COL4A1: variants seen among roughly 807,000 people sequenced by gnomAD.
COL4A1 encodes the protein collagen alpha-1(IV) chain.
COL4A1 carries 40 observed loss-of-function variants against 216.6 expected under a neutral mutation model. The ratio of observed to expected loss-of-function variants is 0.18; its 90% confidence interval spans 0.14 to 0.24. COL4A1 has a LOEUF of 0.24. Among genes scored for constraint, COL4A1 ranks in the 10% least tolerant of loss-of-function variants. The pLI, the probability that COL4A1 is intolerant of heterozygous loss-of-function variation, is 1.00. For missense variants in COL4A1, 1,628 were observed against 2,196.8 expected (o/e 0.74, Z 5.18); for synonymous variants, 839 against 810.7 (o/e 1.03, Z -0.59).
chr13:110,179,560 G>C, intron 29 of COL4A1, 139 bp from the exon 30 acceptor site: 1 of 1,276,868 alleles, frequency 7.8e-7, no homozygotes, highest in South Asian at 1.3e-5. Flanking sequence ...CTTTTCAAGC[G>C]TTTGCAAAGC....
At chr13:110,154,406 C>T (rs1472698094) in intron 50 of COL4A1, among the ~76,000 whole-genome samples, 1 of 152,244 alleles carries the variant, frequency 6.6e-6, no homozygotes, top group East Asian at 1.9e-4. Context: ...TGGGAAGGGT[C>T]CCAGGCGGCA....
intron 26 of COL4A1, among the ~76,000 whole-genome samples, chr13:110,183,748 C>T (rs555298540): frequency 2.6e-5 from 4 of 152,330 alleles, no homozygotes; most frequent in Non-Finnish European, 5.9e-5. Flanking sequence ...TGATTACGAA[C>T]GATCCATTAT....
At chr13:110,198,753 T>C (rs1879025011) in intron 20 of COL4A1, 122 bp from the exon 21 acceptor site, 1 of 1,312,284 alleles carries the variant, frequency 7.6e-7, no homozygotes, top group African/African-American at 1.4e-5. Context: ...AAAAGGGAAC[T>C]GCTTTAGACA....
chr13:110,256,364 A>G (rs1315893234), intron 1 of COL4A1, among the ~76,000 whole-genome samples: 1 of 152,190 alleles, frequency 6.6e-6, no homozygotes, highest in East Asian at 1.9e-4. Flanking sequence ...TTGGACGAGG[A>G]TGATACTCGG....
chr13:110,176,499 G>A lies in COL4A1; in HGVS notation c.2983C>T (p.Pro995Ser). Residue 995 changes from proline to serine, a missense_variant, in exon 36 of 52, where the codon CCA becomes TCA. Physicochemically the swap from Pro to Ser is moderately conservative, Grantham distance 74. Transcript: ENST00000375820. ...GCACCTGGGGTTCCACTTATACCTG[G>A]ATCACCTTTAGGTCCTAGAACCATA... The part of the protein sequence containing the change: ...QPGQPGPKGD[P>S]GISGTPGAPG... 6.2e-7 allele frequency: 1 copy of A among 1,613,316 alleles called. No homozygotes were observed. The highest frequency in any genetic ancestry group is 8.5e-7 in the Non-Finnish European group (1 of 1,179,260).
At position 110,149,902 on chromosome 13, in the gene COL4A1, C is replaced by A. The variant is rs1481318932; in HGVS notation, c.*461G>T. The A allele has an allele frequency of 1.6e-5, 3 of 186,892 alleles. No individual in the cohort carries two copies. The highest frequency in any genetic ancestry group is 5.4e-5 in the Admixed American group (1 of 18,602). 11.6% of individuals were successfully genotyped at this position (186,892 alleles called of 1,614,324 possible). On this transcript the variant is annotated 3_prime_UTR_variant, in exon 52 of 52. Transcript: ENST00000375820. ...TTGGAGGTTCAAAAAACCATTTTTA[C>A]ATTGCTATTATTTGTACAGACCAAG...
At chr13:110,163,984 C>T (rs1241725002) in intron 46 of COL4A1, among the ~76,000 whole-genome samples, 5 of 110,256 alleles carry the variant, frequency 4.5e-5, no homozygotes, top group East Asian at 3.0e-4. Flanking sequence ...TTCTCTCTCT[C>T]TTTTTTTTTT....
rs753949151 is a variant in COL4A1, at chr13:110,198,648, G to A, written c.1121-17C>T. 1.2e-6 allele frequency: 2 copies of A among 1,613,816 alleles called. No individual in the cohort carries two copies. The highest frequency in any genetic ancestry group is 2.2e-5 in the South Asian group (2 of 91,074). ...CAGGGAGGCCTGCAACCAGACAGAA[G>A]CTCACATCAGTAACCTCAGGGCCAC... On this transcript the variant is annotated splice_polypyrimidine_tract_variant and intron_variant, in intron 20 of 51. Coordinates refer to ENST00000375820, the MANE Select transcript of COL4A1 (RefSeq NM_001845.6).
chr13:110,182,599 G>A (rs909014501), intron 28 of COL4A1, among the ~76,000 whole-genome samples: 3 of 152,160 alleles, frequency 2.0e-5, no homozygotes, highest in African/African-American at 4.8e-5. Flanking sequence ...TCCTCCCCTC[G>A]GAGCAAAGGC....
intron 1 of COL4A1, among the ~76,000 whole-genome samples, chr13:110,256,750 G>C (rs1331256381): frequency 6.6e-6 from 1 of 151,870 alleles, no homozygotes; most frequent in African/African-American, 2.4e-5. Flanking sequence ...GCGGCGGGGG[G>C]GTCTATCCGA....
chr13:110,165,447 CCTT>C (rs1469639591), intron 45 of COL4A1, among the ~76,000 whole-genome samples: 2 of 152,098 alleles, frequency 1.3e-5, no homozygotes, highest in Non-Finnish European at 2.9e-5. Flanking sequence ...TGAACTTAAT[CCTT>C]CTTCTGCATG....
At chr13:110,210,733 A>G (rs1222196843) in intron 8 of COL4A1, among the ~76,000 whole-genome samples, 1 of 152,140 alleles carries the variant, frequency 6.6e-6, no homozygotes, top group African/African-American at 2.4e-5. Flanking sequence ...AAATCAGTAG[A>G]CTCTGAATAA....
chr13:110,229,682 C>A (rs58206866), intron 2 of COL4A1, among the ~76,000 whole-genome samples: 1 of 152,162 alleles, frequency 6.6e-6, no homozygotes, highest in Non-Finnish European at 1.5e-5. Flanking sequence ...CCCCCGCCCT[C>A]GCGCTGCCTA....
intron 2 of COL4A1, among the ~76,000 whole-genome samples, chr13:110,216,591 A>G (rs148669216): frequency 1.1e-3 from 165 of 152,344 alleles, no homozygotes; most frequent in African/African-American, 3.8e-3. Context: ...ATAAGATTTT[A>G]TAATTCTCAA....
chr13:110,170,617 C>T lies in COL4A1; in HGVS notation c.3672G>A (p.Pro1224=), dbSNP rs775298642. Residue 1224 remains proline (P), a synonymous_variant, in exon 42 of 52, where the codon CCG becomes CCA. Coordinates refer to ENST00000375820, the MANE Select transcript of COL4A1 (RefSeq NM_001845.6). ...PPGPQGQPGL[P]GSPGHATEGP... is the part of the protein sequence containing the mutation. The stretch of plus-strand genomic sequence containing the variant: ...CCTCCGTGGCATGGCCTGGGGATCC[C>T]GGTAACCCCGGCTGTCCCTGGGGCC... The T allele has an allele frequency of 5.6e-6, 9 of 1,611,986 alleles. No homozygotes were observed. Among genetic ancestry groups the T allele is most frequent in the East Asian group, 4.5e-5 (2 of 44,864 alleles).
At chr13:110,181,264 G>T in intron 29 of COL4A1, 28 bp downstream of exon 29, 1 of 1,600,952 alleles carries the variant, frequency 6.2e-7, no homozygotes, top group Non-Finnish European at 8.6e-7. Flanking sequence ...GGGGGAGAAG[G>T]GTCATGGAGG....
At chr13:110,209,552 C>T (rs1879679327) in intron 10 of COL4A1, 125 bp from the exon 11 acceptor site, 2 of 797,990 alleles carry the variant, frequency 2.5e-6, no homozygotes, top group Non-Finnish European at 2.1e-6. Context: ...AAATATTTTT[C>T]CTGGGCTTCC....
chr13:110,219,798 A>G (rs61963270), intron 2 of COL4A1, among the ~76,000 whole-genome samples: 10,636 of 131,538 alleles, frequency 0.081, 594 homozygotes, highest in East Asian at 0.19. Flanking sequence ...ATGTGTATAT[A>G]TGTATATATG....
chr13:110,237,409 A>G lies in COL4A1; in HGVS notation c.144+5266T>C, dbSNP rs575648603. ...CCCCACCCCCCGCCAGGAGACATTC[A>G]GCAACAGCTGGAGATATATTTATGT... On this transcript the variant is annotated intron_variant, in intron 2 of 51. Coordinates refer to ENST00000375820, the MANE Select transcript of COL4A1 (RefSeq NM_001845.6). 3.7e-3 allele frequency among the ~76,000 whole-genome samples: 569 copies of G among 152,276 alleles called. 5 individuals carry two copies. The highest frequency in any genetic ancestry group is 0.013 in the African/African-American group (547 of 41,554).
Sources: allele counts gnomAD v4.1 joint callset (sites outside exome capture counted in the v4.1 genomes callset), GRCh38; gene constraint gnomAD v4.1.1; transcripts MANE v1.5; gene names NCBI Gene and HGNC (gene_info 2026-07-23, HGNC 2026-07-21).